The following KCNIP3 variants were observed in gnomAD, a reference collection of about 807,000 sequenced individuals.
KCNIP3 encodes the protein calsenilin.
Under a neutral mutation model 35.0 loss-of-function variants are expected in KCNIP3, and 28 were observed. The observed-to-expected ratio is 0.80, with a 90% CI of 0.59 to 1.10. The LOEUF is 1.10. Among genes scored for constraint, KCNIP3 ranks in the 50% least tolerant of loss-of-function variants. KCNIP3 has a pLI of 0.00. For missense variants in KCNIP3, 295 were observed against 338.4 expected, an observed-to-expected ratio of 0.87 and a Z score of 1.01; for synonymous variants, 134 against 133.8, an observed-to-expected ratio of 1.00 and a Z score of -0.01.
chr2:95,383,182 G>A (rs1385791435), intron 7 of KCNIP3, 50 bp from the exon 8 acceptor site: 4 of 1,572,516 alleles, frequency 2.5e-6, no homozygotes, highest in Admixed American at 3.4e-5. Flanking sequence ...CAGGGGCGGG[G>A]CTGTCTCTGC....
At chr2:95,350,605 G>A (rs1679490766) in intron 2 of KCNIP3, among the ~76,000 whole-genome samples, 1 of 152,202 alleles carries the variant, frequency 6.6e-6, no homozygotes, top group African/African-American at 2.4e-5. Flanking sequence ...GGAGCAGCAG[G>A]GGTGGGGGCT....
At chr2:95,309,428 CTT>C (rs397734932) in intron 1 of KCNIP3, among the ~76,000 whole-genome samples, 5 of 140,784 alleles carry the variant, frequency 3.6e-5, no homozygotes, top group Non-Finnish European at 4.6e-5. Flanking sequence ...TGGCCCACTG[CTT>C]TTTTTTTTTT....
At chr2:95,303,686 C>G (rs1377818437) in intron 1 of KCNIP3, among the ~76,000 whole-genome samples, 1 of 152,180 alleles carries the variant, frequency 6.6e-6, no homozygotes, top group Non-Finnish European at 1.5e-5. Flanking sequence ...ACCAGGCCAC[C>G]CTTCTGAGGC....
intron 2 of KCNIP3, among the ~76,000 whole-genome samples, chr2:95,326,207 A>G (rs1325699441): frequency 1.3e-5 from 2 of 151,132 alleles, no homozygotes; most frequent in Non-Finnish European, 2.9e-5. Context: ...ACGCACTCAT[A>G]TACACACACA....
At chr2:95,345,694 GCCGCGC>G in intron 2 of KCNIP3, among the ~76,000 whole-genome samples, 1 of 152,366 alleles carries the variant, frequency 6.6e-6, no homozygotes, top group South Asian at 2.1e-4. Flanking sequence ...CCCACAGTGC[GCCGCGC>G]CCGCTGGAGG....
rs1678285615 is a variant in KCNIP3, at chr2:95,310,529, C to A, written c.181+9C>A. ...AGCCCCACAGGGCTCAGGTAGGGGC[C>A]AGGGTGGGCTGTGGTCAAGGGTGGG... On this transcript the variant is annotated intron_variant, in intron 2 of 8. Transcript: ENST00000295225. 4 of 1,532,116 alleles carry A rather than the reference C, an allele frequency of 2.6e-6. No homozygotes were observed. The African/African-American group carries it at 4.5e-5, about 17-fold the overall frequency. The allele number at this position is 1,532,116 out of a possible 1,614,324, so 94.9% of individuals were successfully genotyped here.
rs151292219 is a variant in KCNIP3, at chr2:95,334,516, C to T, written c.181+23996C>T. 1.9e-3 allele frequency among the ~76,000 whole-genome samples: 290 copies of T among 152,300 alleles called. 2 individuals carry two copies. Among genetic ancestry groups the T allele is most frequent in the African/African-American group, 6.7e-3 (278 of 41,560 alleles). On this transcript the variant is annotated intron_variant, in intron 2 of 8. Coordinates refer to ENST00000295225, the MANE Select transcript of KCNIP3 (RefSeq NM_013434.5). ...CCAGCAGAGAGAGGTGGGAAAGCCACGTTCAGCCAAAACCCAGAAATTTAC... is the reference window on the plus strand; with the variant it reads ...CCAGCAGAGAGAGGTGGGAAAGCCATGTTCAGCCAAAACCCAGAAATTTAC...
rs1680137875 is a variant in KCNIP3, at chr2:95,374,904, C to G, written c.363C>G (p.Phe121Leu). 6.2e-7 allele frequency: 1 copy of G among 1,613,904 alleles called. No individual in the cohort carries two copies. The highest frequency in any genetic ancestry group is 8.5e-7 in the Non-Finnish European group (1 of 1,180,002). Reference sequence around the variant, plus strand: ...CCTTCAAACTCATTTACGCGCAGTTCTTCCCTCAGGGAGGTGAGTCTGAGG... The same window carrying G: ...CCTTCAAACTCATTTACGCGCAGTTGTTCCCTCAGGGAGGTGAGTCTGAGG... ...EDTFKLIYAQFFPQGDATTYA... is the reference protein window; with the variant it reads ...EDTFKLIYAQLFPQGDATTYA... Residue 121 changes from phenylalanine to leucine, a missense_variant, in exon 4 of 9, where the codon TTC (phenylalanine) becomes TTG (leucine). By Grantham distance (22) the Phe-to-Leu change is conservative. Coordinates refer to ENST00000295225, the MANE Select transcript of KCNIP3 (RefSeq NM_013434.5).
chr2:95,381,141 C>T (rs188658995), intron 5 of KCNIP3, among the ~76,000 whole-genome samples: 4 of 152,296 alleles, frequency 2.6e-5, no homozygotes, highest in African/African-American at 4.8e-5. Flanking sequence ...GCGTCTCCAG[C>T]GGCAGCACTG....
intron 2 of KCNIP3, among the ~76,000 whole-genome samples, chr2:95,334,031 C>T (rs1438638643): frequency 6.6e-6 from 1 of 152,232 alleles, no homozygotes; most frequent in African/African-American, 2.4e-5. Context: ...CCCCAAGACA[C>T]CCTTGGGCCC....
At chr2:95,333,963 C>A (rs1299529717) in intron 2 of KCNIP3, among the ~76,000 whole-genome samples, 3 of 152,254 alleles carry the variant, frequency 2.0e-5, no homozygotes, top group African/African-American at 7.2e-5. Flanking sequence ...CCTCTCTGAG[C>A]TGTCAGAAGA....
intron 2 of KCNIP3, among the ~76,000 whole-genome samples, chr2:95,315,031 G>C (rs372787662): frequency 6.6e-6 from 1 of 152,206 alleles, no homozygotes; most frequent in African/African-American, 2.4e-5. Flanking sequence ...ACAGGACGGG[G>C]ACGGGAGCCT....
chr2:95,381,673 C>T lies in KCNIP3; in HGVS notation c.525C>T (p.Asp175=), dbSNP rs1470680286. 1.1e-5 allele frequency: 17 copies of T among 1,613,798 alleles called. No individual in the cohort carries two copies. Among genetic ancestry groups the T allele is most frequent in the Non-Finnish European group, 1.3e-5 (15 of 1,179,832 alleles). The change falls in exon 6 of 9, where the codon GAC becomes GAT. Residue 175 remains aspartate (D), a synonymous_variant. Transcript: ENST00000295225. ...TCAAGTGGGCCTTTAATCTCTACGA[C>T]ATTAACAAGGATGGCTACATCACCA... ...EKLKWAFNLY[D]INKDGYITKE... is the part of the protein sequence containing the mutation.
chr2:95,374,517 T>A, intron 3 of KCNIP3, 97 bp downstream of exon 3: 1 of 1,431,540 alleles, frequency 7.0e-7, no homozygotes, highest in Non-Finnish European at 9.5e-7. Context: ...CCAGGGGCCT[T>A]TAAGGGGCTT....
At position 95,324,612 on chromosome 2, in the gene KCNIP3, T is replaced by TA. The variant is rs202078419; in HGVS notation, c.181+14100dup. Among the ~76,000 whole-genome samples, 253 of 151,028 alleles carry TA rather than the reference T, an allele frequency of 1.7e-3. 2 individuals carry two copies. Among genetic ancestry groups the TA allele is most frequent in the African/African-American group, 3.1e-3 (128 of 41,196 alleles). ...TTTTTCATGCCCTTGCTTTGCAAAA[T>TA]AAAAAAAATGACAGTTTTGGCCTGG... On this transcript the variant is annotated intron_variant, in intron 2 of 8. Transcript: ENST00000295225.
chr2:95,352,127 G>A (rs113135919), intron 2 of KCNIP3, among the ~76,000 whole-genome samples: 7 of 152,286 alleles, frequency 4.6e-5, no homozygotes, highest in African/African-American at 1.7e-4. Context: ...GCCGGGCATG[G>A]TGGCGGGCGT....
intron 1 of KCNIP3, among the ~76,000 whole-genome samples, chr2:95,298,093 G>C (rs1043324873): frequency 2.0e-5 from 3 of 152,212 alleles, no homozygotes; most frequent in African/African-American, 7.2e-5. Flanking sequence ...GAGAAACAGT[G>C]GTGGGGAACA....
At chr2:95,365,897 G>A (rs532254567) in intron 2 of KCNIP3, among the ~76,000 whole-genome samples, 194 of 152,124 alleles carry the variant, frequency 1.3e-3, no homozygotes, top group African/African-American at 4.5e-3. Context: ...CTAGTTCTAT[G>A]AATCTCGATA....
chr2:95,310,560 G>A (rs1258462463), intron 2 of KCNIP3, 40 bp downstream of exon 2: 1 of 1,599,874 alleles, frequency 6.3e-7, no homozygotes, highest in South Asian at 1.1e-5. Context: ...GTGGGGGTGG[G>A]GAGATCTGTT....
Sources: gnomAD v4.1 joint callset for allele counts (sites outside exome capture counted in the v4.1 genomes callset) on GRCh38, gnomAD v4.1.1 for gene constraint, MANE v1.5 for transcripts, NCBI Gene and HGNC (gene_info 2026-07-23, HGNC 2026-07-21) for gene names.